The following RPE65 variants were observed in gnomAD, a reference collection of about 807,000 sequenced individuals.
RPE65 encodes retinoid isomerohydrolase.
A neutral mutation model predicts 68.5 loss-of-function variants in RPE65; 58 were observed. The observed-to-expected ratio is 0.85, with a 90% CI of 0.69 to 1.05. RPE65 has a LOEUF of 1.05. RPE65 is among the 50% of genes least tolerant of loss of function. The pLI is 0.00. For missense variants in RPE65, 643 were observed against 629.9 expected (o/e 1.02, Z -0.22); for synonymous variants, 220 against 222.2 (o/e 0.99, Z 0.09).
At position 68,447,525 on chromosome 1, in the gene RPE65, G is replaced by A. The variant is rs1006309992; in HGVS notation, c.95-665C>T. Among the ~76,000 whole-genome samples the A allele has an allele frequency of 2.0e-5, 3 of 152,162 alleles. No homozygotes were observed. In the East Asian group the frequency reaches 5.8e-4, roughly 29 times the overall value. On this transcript the variant is annotated intron_variant, in intron 2 of 13. Transcript: ENST00000262340. ...TGCAAAATGTGGGGTACCCAAGATA[G>A]TCCTTAAGGCCTCTCAGCTTTCACA...
At chr1:68,442,039 G>C (rs1048046738) in intron 5 of RPE65, among the ~76,000 whole-genome samples, 3 of 152,274 alleles carry the variant, frequency 2.0e-5, no homozygotes, top group African/African-American at 7.2e-5. Flanking sequence ...TTCAAATTCA[G>C]CTCCTCAGTC....
intron 5 of RPE65, among the ~76,000 whole-genome samples, chr1:68,443,094 A>G (rs1029890282): frequency 2.0e-5 from 3 of 151,530 alleles, no homozygotes; most frequent in African/African-American, 7.3e-5. Context: ...CCCTACTCAT[A>G]CTACTTCTTT....
At chr1:68,435,740 C>T (rs929822386) in intron 10 of RPE65, among the ~76,000 whole-genome samples, 1 of 152,188 alleles carries the variant, frequency 6.6e-6, no homozygotes. Flanking sequence ...TAACTATGTT[C>T]CATTAATCTC....
chr1:68,445,607 G>A, intron 3 of RPE65, among the ~76,000 whole-genome samples: 1 of 152,028 alleles, frequency 6.6e-6, no homozygotes, highest in South Asian at 2.1e-4. Context: ...TCCGCCTCCT[G>A]GGTTCAAGCT....
At chr1:68,445,138 G>A (rs1381027749) in intron 3 of RPE65, among the ~76,000 whole-genome samples, 1 of 152,072 alleles carries the variant, frequency 6.6e-6, no homozygotes, top group Non-Finnish European at 1.5e-5. Context: ...TAAGTGATTG[G>A]CATATGTGGC....
At chr1:68,433,739 T>C (rs1190079909) in intron 10 of RPE65, among the ~76,000 whole-genome samples, 2 of 152,126 alleles carry the variant, frequency 1.3e-5, no homozygotes, top group African/African-American at 4.8e-5. Flanking sequence ...CTGCACTTAG[T>C]TCAGCCTCAG....
intron 5 of RPE65, among the ~76,000 whole-genome samples, chr1:68,442,824 T>TAC (rs1042482854): frequency 5.3e-5 from 8 of 152,142 alleles, no homozygotes; most frequent in Admixed American, 1.3e-4. Context: ...TGTATATGGT[T>TAC]ACACACACAC....
chr1:68,445,847 C>T (rs1385677575), intron 3 of RPE65, among the ~76,000 whole-genome samples: 1 of 151,906 alleles, frequency 6.6e-6, no homozygotes, highest in African/African-American at 2.4e-5. Flanking sequence ...GAGTACCCTG[C>T]TCTGTCGAAG....
At chr1:68,443,540 T>C (rs926129008) in intron 5 of RPE65, among the ~76,000 whole-genome samples, 2 of 152,200 alleles carry the variant, frequency 1.3e-5, no homozygotes, top group Admixed American at 6.5e-5. Flanking sequence ...ATATCCTTTC[T>C]CTAAATTCAC....
intron 10 of RPE65, 145 bp downstream of exon 10, chr1:68,438,042 G>A: frequency 1.0e-6 from 1 of 956,000 alleles, no homozygotes; most frequent in Non-Finnish European, 1.5e-6. Flanking sequence ...TTTGTAAAAT[G>A]AAGGAAGTTT....
chr1:68,442,143 A>G (rs781332484), intron 5 of RPE65, among the ~76,000 whole-genome samples: 2 of 152,256 alleles, frequency 1.3e-5, no homozygotes, highest in African/African-American at 2.4e-5. Context: ...ACAGCCCTGC[A>G]TTAGACCAAT....
At chr1:68,438,395 C>T (rs375802741) in intron 9 of RPE65, 79 bp from the exon 10 acceptor site, 30 of 1,516,734 alleles carry the variant, frequency 2.0e-5, no homozygotes, top group Non-Finnish European at 2.6e-5. Context: ...TTTTTAAGCA[C>T]AAGTGCCTGC....
chr1:68,432,513 AG>A (rs1000375674), intron 10 of RPE65, among the ~76,000 whole-genome samples: 2 of 152,082 alleles, frequency 1.3e-5, no homozygotes, highest in Non-Finnish European at 2.9e-5. Flanking sequence ...GTTCACGCTA[AG>A]AGAACAAATT....
intron 13 of RPE65, among the ~76,000 whole-genome samples, chr1:68,430,457 G>A (rs1645818111): frequency 6.6e-6 from 1 of 152,204 alleles, no homozygotes; most frequent in Non-Finnish European, 1.5e-5. Flanking sequence ...ATCATTTAGT[G>A]TGAAATGGCT....
chr1:68,430,924 A>G, intron 13 of RPE65, 141 bp downstream of exon 13: 1 of 694,232 alleles, frequency 1.4e-6, no homozygotes, highest in Non-Finnish European at 2.5e-6. Flanking sequence ...AATAGTTTTA[A>G]TTCTTCAGTA....
At chr1:68,445,822 T>C (rs1645938702) in intron 3 of RPE65, among the ~76,000 whole-genome samples, 1 of 151,944 alleles carries the variant, frequency 6.6e-6, no homozygotes, top group Non-Finnish European at 1.5e-5. Context: ...CGGTCGCACT[T>C]TTATGAAGAA....
intron 6 of RPE65, 136 bp downstream of exon 6, chr1:68,440,717 G>T: frequency 9.1e-7 from 1 of 1,096,264 alleles, no homozygotes; most frequent in South Asian, 1.4e-5. Flanking sequence ...AGGGATGAGG[G>T]CAGTACTTCT....
chr1:68,444,835 G>T lies in RPE65; in HGVS notation c.294C>A (p.Ile98=), dbSNP rs367983478. 1 of 1,614,016 alleles carries T rather than the reference G, an allele frequency of 6.2e-7. No individual in the cohort carries two copies. The highest frequency in any genetic ancestry group is 8.5e-7 in the Non-Finnish European group (1 of 1,180,012). ...AYVRAMTEKR[I]VITEFGTCAF... Reference sequence around the variant, plus strand: ...CACAGGTGCCAAATTCTGTTATGACGATCCTTTTCTCAGTCATTGCCCGTA... The same window carrying T: ...CACAGGTGCCAAATTCTGTTATGACTATCCTTTTCTCAGTCATTGCCCGTA... Residue 98 remains isoleucine, a synonymous_variant, in exon 4 of 14, where the codon ATC becomes ATA. Transcript: ENST00000262340.
At chr1:68,437,335 A>G (rs1358266297) in intron 10 of RPE65, among the ~76,000 whole-genome samples, 1 of 152,158 alleles carries the variant, frequency 6.6e-6, no homozygotes, top group Non-Finnish European at 1.5e-5. Context: ...TTGCCTTTAT[A>G]GACGCCCCTT....
Sources: allele counts gnomAD v4.1 joint callset (sites outside exome capture counted in the v4.1 genomes callset), GRCh38; gene constraint gnomAD v4.1.1; transcripts MANE v1.5; gene names NCBI Gene and HGNC (gene_info 2026-07-23, HGNC 2026-07-21).